The following TALDO1 variants were observed in gnomAD, a reference collection of about 807,000 sequenced individuals.
TALDO1 encodes the protein transaldolase.
TALDO1 carries 29 observed loss-of-function variants against 38.1 expected under a neutral mutation model. The ratio of observed to expected loss-of-function variants is 0.76; its 90% CI spans 0.57 to 1.04. The LOEUF (loss-of-function observed/expected upper bound fraction) is 1.04. TALDO1 is among the 50% of genes least tolerant of loss of function. The probability of loss-of-function intolerance (pLI) is 0.00; values close to 1 mark genes in which losing one functional copy is unlikely to be tolerated. For synonymous variants in TALDO1, 207 were observed against 176.8 expected (o/e 1.17, Z -1.36); for missense variants, 499 against 438.1 (o/e 1.14, Z -1.24).
chr11:756,456 G>C (rs561386804), intron 2 of TALDO1, among the ~76,000 whole-genome samples: 5 of 151,636 alleles, frequency 3.3e-5, no homozygotes, highest in Non-Finnish European at 5.9e-5. Context: ...TCCTGCCTCA[G>C]CTTCCCAATT....
intron 4 of TALDO1, among the ~76,000 whole-genome samples, chr11:763,016 G>A (rs905314599): frequency 6.6e-6 from 1 of 152,196 alleles, no homozygotes; most frequent in Non-Finnish European, 1.5e-5. Context: ...ATTGTGTCAT[G>A]TGGGTTGGAG....
At chr11:763,305 C>G in intron 4 of TALDO1, 39 bp from the exon 5 acceptor site, 1 of 671,574 alleles carries the variant, frequency 1.5e-6, no homozygotes, top group Non-Finnish European at 2.0e-6. Flanking sequence ...CCTGTCCCCG[C>G]CCTCACCTGC....
chr11:764,200 T>C (rs1863008936), intron 6 of TALDO1, 88 bp from the exon 7 acceptor site: 1 of 1,607,198 alleles, frequency 6.2e-7, no homozygotes, highest in South Asian at 1.1e-5. Context: ...GGGAGATGCT[T>C]GGGTGCAGCA....
At chr11:761,449 A>C in intron 4 of TALDO1, among the ~76,000 whole-genome samples, 1 of 150,994 alleles carries the variant, frequency 6.6e-6, no homozygotes, top group East Asian at 2.0e-4. Flanking sequence ...TCCAGTAGCT[A>C]TGATCGTACC....
chr11:759,527 T>C (rs573178041), intron 3 of TALDO1, among the ~76,000 whole-genome samples: 92 of 152,324 alleles, frequency 6.0e-4, no homozygotes, highest in African/African-American at 2.1e-3. Flanking sequence ...CCCAAAGTGC[T>C]GGGATCACAG....
In TALDO1 at chr11:758,970, A is replaced by G; in HGVS notation, c.242A>G (p.Lys81Arg). Reference sequence around the variant, plus strand: ...TTCAGGTCACAAGAGGACCAGATTAAAAATGCTATTGATAAACTTTTTGTG... The same window carrying G: ...TTCAGGTCACAAGAGGACCAGATTAGAAATGCTATTGATAAACTTTTTGTG... ...KLGGSQEDQI[K>R]NAIDKLFVLF... The change falls in exon 3 of 8, where the codon AAA (lysine) becomes AGA (arginine). Residue 81 changes from lysine to arginine, a missense_variant. Coordinates refer to ENST00000319006, the MANE Select transcript of TALDO1 (RefSeq NM_006755.2). The G allele has an allele frequency of 6.2e-7, 1 of 1,612,404 alleles. No individual in the cohort carries two copies. Among genetic ancestry groups the G allele is most frequent in the Non-Finnish European group, 8.5e-7 (1 of 1,178,848 alleles).
At chr11:756,205 A>C (rs893097603) in intron 2 of TALDO1, 52 of 742,642 alleles carry the variant, frequency 7.0e-5, no homozygotes, top group Non-Finnish European at 1.1e-4. Context: ...CAGTTCAGAG[A>C]GTTTTGCCAA....
chr11:759,981 G>C, intron 3 of TALDO1, 141 bp from the exon 4 acceptor site: 1 of 1,194,230 alleles, frequency 8.4e-7, no homozygotes, highest in East Asian at 2.6e-5. Context: ...CAAACCTCCA[G>C]TGAGGGGAAG....
At position 763,880 on chromosome 11, in the gene TALDO1, C is replaced by T. The variant is rs1863001737; in HGVS notation, c.771C>T (p.Pro257=). 1 of 1,613,674 alleles carries T rather than the reference C, an allele frequency of 6.2e-7. No homozygotes were observed. Among genetic ancestry groups the T allele is most frequent in the Non-Finnish European group, 8.5e-7 (1 of 1,180,024 alleles). ...LAGCDFLTIS[P]KLLGELLQDN... ...GCTGTGACTTCCTCACCATCTCACC[C>T]AAGCTCCTGGGAGAGCTGCTGCAGG... The change falls in exon 6 of 8, where the codon CCC becomes CCT. Residue 257 remains proline, a synonymous_variant. Coordinates refer to ENST00000319006, the MANE Select transcript of TALDO1 (RefSeq NM_006755.2).
intron 1 of TALDO1, 80 bp downstream of exon 1, chr11:747,658 T>C: frequency 7.8e-7 from 1 of 1,286,082 alleles, no homozygotes. Context: ...GGTCTCCCGT[T>C]CCGGGACGCG....
Position 755,869 on chromosome 11 carries a change from AT to A in TALDO1, c.98-7del. On this transcript the variant is annotated splice_polypyrimidine_tract_variant and intron_variant, in intron 1 of 7. Transcript: ENST00000319006. ...CCACTTACTTTGGCTTTTGAAAACT[AT>A]TTCCCTAGCCATCGACGAGTACAAG... 1 of 1,614,050 alleles carries A rather than the reference AT, an allele frequency of 6.2e-7. No individual in the cohort carries two copies. The highest frequency in any genetic ancestry group is 1.1e-5 in the South Asian group (1 of 91,084).
chr11:763,447 T>C lies in TALDO1; in HGVS notation c.565T>C (p.Phe189Leu), dbSNP rs764035451. ...AEAGVTLISP[F>L]VGRILDWHVA... ...GGCGGGTGTGACCCTCATCTCCCCATTTGTTGGGCGCATCCTTGATTGGCA... is the reference window on the plus strand; with the variant it reads ...GGCGGGTGTGACCCTCATCTCCCCACTTGTTGGGCGCATCCTTGATTGGCA... The change falls in exon 5 of 8, where the codon TTT becomes CTT. Residue 189 changes from phenylalanine (F) to leucine (L), a missense_variant. Transcript: ENST00000319006. The C allele has an allele frequency of 9.9e-6, 16 of 1,613,128 alleles. No homozygotes were observed. Among genetic ancestry groups the C allele is most frequent in the Non-Finnish European group, 1.4e-5 (16 of 1,179,796 alleles).
chr11:749,145 C>G (rs888831646), intron 1 of TALDO1, among the ~76,000 whole-genome samples: 9 of 152,168 alleles, frequency 5.9e-5, no homozygotes, highest in Non-Finnish European at 1.3e-4. Flanking sequence ...TGGCTCACGC[C>G]TGTAATCCCA....
At chr11:762,017 G>C (rs923343456) in intron 4 of TALDO1, among the ~76,000 whole-genome samples, 4 of 151,932 alleles carry the variant, frequency 2.6e-5, no homozygotes, top group Middle Eastern at 3.4e-3. Context: ...CCATGCTGGA[G>C]TGCAATGGTG....
At chr11:751,390 C>G (rs1862746753) in intron 1 of TALDO1, among the ~76,000 whole-genome samples, 1 of 152,158 alleles carries the variant, frequency 6.6e-6, no homozygotes, top group Non-Finnish European at 1.5e-5. Flanking sequence ...AAGTTGGGGC[C>G]AGCCTCGGTG....
chr11:763,633 C>T (rs992208247), intron 5 of TALDO1, 114 bp downstream of exon 5: 31 of 1,566,998 alleles, frequency 2.0e-5, no homozygotes, highest in South Asian at 3.3e-5. Context: ...CACAGGTCGG[C>T]GCGGGGCAGG....
At chr11:760,044 G>T in intron 3 of TALDO1, 78 bp from the exon 4 acceptor site, 1 of 1,601,926 alleles carries the variant, frequency 6.2e-7, no homozygotes, top group South Asian at 1.1e-5. Context: ...CTGACAGGCA[G>T]ACACCCGGCC....
chr11:762,162 T>C (rs915808327), intron 4 of TALDO1, among the ~76,000 whole-genome samples: 1 of 151,844 alleles, frequency 6.6e-6, no homozygotes, highest in African/African-American at 2.4e-5. Flanking sequence ...ATGGGGTTTC[T>C]CATGTTAGTC....
In TALDO1 at chr11:764,897, G is replaced by A. The variant is rs749102819; in HGVS notation, c.*52G>A. 1.2e-6 allele frequency: 2 copies of A among 1,611,708 alleles called. No homozygotes were observed. Among genetic ancestry groups the A allele is most frequent in the Admixed American group, 3.3e-5 (2 of 60,034 alleles). ...CTGCACCGCCGGCCAGCTGGGATCT[G>A]ACTGCACGTGGCTTCTGATGAATCT... On this transcript the variant is annotated 3_prime_UTR_variant, in exon 8 of 8. Transcript: ENST00000319006.
Sources: gnomAD v4.1 joint callset for allele counts (sites outside exome capture counted in the v4.1 genomes callset) on GRCh38, gnomAD v4.1.1 for gene constraint, MANE v1.5 for transcripts, NCBI Gene and HGNC (gene_info 2026-07-23, HGNC 2026-07-21) for gene names.